DAAM2: variants seen among roughly 807,000 people sequenced by gnomAD.
DAAM2 encodes the protein dishevelled associated activator of morphogenesis 2.
A neutral mutation model predicts 120.7 loss-of-function variants in DAAM2; 39 were observed. The observed-to-expected ratio is 0.32, with a 90% CI of 0.25 to 0.42. The LOEUF is 0.42. DAAM2 is among the 10% of genes least tolerant of loss of function. DAAM2 has a pLI of 1.00. For missense variants in DAAM2, 1,283 were observed against 1,401.7 expected (o/e 0.92, Z 1.35); for synonymous variants, 488 against 524.9 (o/e 0.93, Z 0.96).
intron 1 of DAAM2, among the ~76,000 whole-genome samples, chr6:39,833,301 C>T (rs1211977614): frequency 2.0e-5 from 3 of 151,630 alleles, no homozygotes; most frequent in African/African-American, 7.3e-5. Context: ...GCTTTGCTCC[C>T]TCCCTTCCTT....
chr6:39,835,180 T>C (rs1437339570), intron 1 of DAAM2, among the ~76,000 whole-genome samples: 1 of 152,236 alleles, frequency 6.6e-6, no homozygotes, highest in Non-Finnish European at 1.5e-5. Flanking sequence ...CTGGTTGACA[T>C]AGTCATTAAG....
At position 39,901,879 on chromosome 6, in the gene DAAM2, C is replaced by T. The variant is rs377622825; in HGVS notation, c.3049C>T (p.Leu1017=). The part of the protein sequence containing the change: ...QRKVLAAGSS[L]EEGGEFDDLV... ...GAAGGTCCTGGCTGCAGGCAGCTCGCTGGAGGAGGGAGGAGAGTTCGATGA... is the reference window on the plus strand; with the variant it reads ...GAAGGTCCTGGCTGCAGGCAGCTCGTTGGAGGAGGGAGGAGAGTTCGATGA... The change falls in exon 25 of 25, where the codon CTG becomes TTG. Residue 1017 remains leucine, a synonymous_variant. Transcript: ENST00000274867. The surrounding 1 kb of genome is among the most constrained non-coding windows in gnomAD (Gnocchi z 4.5). The T allele has an allele frequency of 2.5e-6, 4 of 1,596,198 alleles. No individual in the cohort carries two copies. The highest frequency in any genetic ancestry group is 3.4e-6 in the Non-Finnish European group (4 of 1,168,018).
intron 2 of DAAM2, among the ~76,000 whole-genome samples, chr6:39,859,142 T>G (rs1764117382): frequency 6.6e-6 from 1 of 152,134 alleles, no homozygotes; most frequent in Non-Finnish European, 1.5e-5. Flanking sequence ...GAGATTCTTC[T>G]TACCTGGGAA....
chr6:39,813,292 A>G (rs1408760095), intron 1 of DAAM2, among the ~76,000 whole-genome samples: 1 of 152,148 alleles, frequency 6.6e-6, no homozygotes, highest in African/African-American at 2.4e-5. Context: ...GGTGGGGGTG[A>G]ATCATAGGCG....
chr6:39,859,190 G>A (rs115632803), intron 2 of DAAM2, among the ~76,000 whole-genome samples: 163 of 152,322 alleles, frequency 1.1e-3, no homozygotes, highest in African/African-American at 3.8e-3. Context: ...CTGACACTGT[G>A]CCCTAGGAAT....
At chr6:39,896,418 G>T (rs1766095056) in intron 19 of DAAM2, among the ~76,000 whole-genome samples, 1 of 152,084 alleles carries the variant, frequency 6.6e-6, no homozygotes, top group Non-Finnish European at 1.5e-5. Flanking sequence ...TGGCCAGGCT[G>T]GTCTCGAACT....
intron 8 of DAAM2, among the ~76,000 whole-genome samples, 159 bp from the exon 9 acceptor site, chr6:39,871,347 G>A (rs1256870495): frequency 1.3e-5 from 2 of 152,144 alleles, no homozygotes; most frequent in Non-Finnish European, 2.9e-5. Context: ...CAGACAATGG[G>A]TGTCCTACAA....
intron 8 of DAAM2, among the ~76,000 whole-genome samples, 189 bp downstream of exon 8, chr6:39,870,632 A>C (rs1764622149): frequency 6.6e-6 from 1 of 152,108 alleles, no homozygotes; most frequent in African/African-American, 2.4e-5. Flanking sequence ...TGCTTGTCTC[A>C]TCTCTGATGT....
At chr6:39,888,913 A>G (rs3003946) in intron 17 of DAAM2, 150 bp downstream of exon 17, 226,337 of 452,258 alleles carry the variant, frequency 0.5, 57,604 homozygotes, top group East Asian at 0.59. Context: ...TCCCTGGGCC[A>G]GCCTTTCTTG....
intron 1 of DAAM2, among the ~76,000 whole-genome samples, chr6:39,839,891 G>A (rs957047676): frequency 3.9e-5 from 6 of 152,160 alleles, no homozygotes; most frequent in Non-Finnish European, 7.3e-5. Flanking sequence ...GTGTGGGTGC[G>A]GGAGTACCTG....
chr6:39,855,461 G>T (rs1341675285), intron 1 of DAAM2, among the ~76,000 whole-genome samples: 1 of 152,160 alleles, frequency 6.6e-6, no homozygotes, highest in Non-Finnish European at 1.5e-5. Context: ...GGTATGAAAA[G>T]AAAATCTGAG....
chr6:39,818,832 G>C (rs1324637413), intron 1 of DAAM2: 1 of 152,164 alleles, frequency 6.6e-6, no homozygotes, highest in African/African-American at 2.4e-5. Context: ...GTCGCTCTGT[G>C]TTTTTTGCTA....
rs544487005 is a variant in DAAM2, at chr6:39,796,267, GA to G, written c.-57+3804del. ...CCTTCAAGTTGACATTTAAGATTTT[GA>G]AGATCACATTTGTTTTTGTTTTGTT... On this transcript the variant is annotated intron_variant, in intron 1 of 24. Transcript: ENST00000274867. Among the ~76,000 whole-genome samples the G allele has an allele frequency of 3.9e-5, 6 of 152,246 alleles. No homozygotes were observed. The East Asian group carries it at 1.2e-3, about 29-fold the overall frequency.
At position 39,902,062 on chromosome 6, in the gene DAAM2, G is replaced by A. The variant is rs1280315565; in HGVS notation, c.*25G>A. On this transcript the variant is annotated 3_prime_UTR_variant, in exon 25 of 25. Coordinates refer to ENST00000274867, the MANE Select transcript of DAAM2 (RefSeq NM_001201427.2). ...ACCTGGGGAACTAGCCACACAGGAG[G>A]CCGGGAGACAGGGACTGGTGAGAAT... is the stretch of plus-strand genomic sequence containing the variant. The A allele has an allele frequency of 6.4e-7, 1 of 1,570,704 alleles. No individual in the cohort carries two copies. Among genetic ancestry groups the A allele is most frequent in the African/African-American group, 1.4e-5 (1 of 74,010 alleles).
chr6:39,811,175 G>GTA (rs1491267088), intron 1 of DAAM2, among the ~76,000 whole-genome samples: 14 of 13,018 alleles, frequency 1.1e-3, no homozygotes, highest in African/African-American at 5.5e-3. Context: ...ACTGAAGGGA[G>GTA]TGTGTGTGTG....
chr6:39,856,687 C>T (rs1764019178), intron 2 of DAAM2, among the ~76,000 whole-genome samples: 1 of 152,218 alleles, frequency 6.6e-6, no homozygotes, highest in Non-Finnish European at 1.5e-5. Context: ...AATGGTCCTA[C>T]CTCCTCTCTG....
chr6:39,805,761 G>A (rs1470903912), intron 1 of DAAM2, among the ~76,000 whole-genome samples: 1 of 151,970 alleles, frequency 6.6e-6, no homozygotes, highest in African/African-American at 2.4e-5. Flanking sequence ...CACCATGTTG[G>A]CAGGATGGTC....
chr6:39,826,336 A>G (rs571398393), intron 1 of DAAM2, among the ~76,000 whole-genome samples: 1 of 152,088 alleles, frequency 6.6e-6, no homozygotes, highest in East Asian at 1.9e-4. Context: ...TGCCATGAGT[A>G]CTTTGTCATT....
intron 1 of DAAM2, among the ~76,000 whole-genome samples, chr6:39,807,376 A>G (rs559779543): frequency 4.7e-4 from 72 of 152,342 alleles, no homozygotes; most frequent in Middle Eastern, 6.8e-3. Context: ...TAAAGCATAA[A>G]ATTATGTTTG....
Sources: gnomAD v4.1 joint callset for allele counts (sites outside exome capture counted in the v4.1 genomes callset) on GRCh38, gnomAD v4.1.1 for gene constraint, Gnocchi (gnomAD v3.1) non-coding constraint, MANE v1.5 for transcripts, NCBI Gene and HGNC (gene_info 2026-07-23, HGNC 2026-07-21) for gene names.